LRRC4C: variants seen among roughly 807,000 people sequenced by gnomAD.
LRRC4C encodes the protein leucine-rich repeat-containing protein 4C.
In LRRC4C, 5 loss-of-function variants were observed where a neutral mutation model predicts 33.6. The observed-to-expected ratio is 0.15, with a 90% confidence interval of 0.08 to 0.31. The LOEUF (loss-of-function observed/expected upper bound fraction) is 0.31. Ranked by LOEUF, LRRC4C falls within the 10% of genes least tolerant of loss-of-function variation. The pLI, the probability that LRRC4C is intolerant of heterozygous loss-of-function variation, is 1.00. For synonymous variants in LRRC4C, 329 were observed against 302.0 expected (o/e 1.09, Z -0.93); for missense variants, 560 against 796.7 (o/e 0.70, Z 3.58).
At chr11:41,071,936 G>A (rs1938716075) in intron 1 of LRRC4C, among the ~76,000 whole-genome samples, 1 of 152,156 alleles carries the variant, frequency 6.6e-6, no homozygotes, top group African/African-American at 2.4e-5. Flanking sequence ...AGTCACTGCA[G>A]ATGTGATAGA....
chr11:41,454,746 C>T (rs1956126956), intron 1 of LRRC4C, among the ~76,000 whole-genome samples: 1 of 152,104 alleles, frequency 6.6e-6, no homozygotes, highest in Non-Finnish European at 1.5e-5. Context: ...TACAGAAATA[C>T]AGCTTTCAGA....
intron 1 of LRRC4C, among the ~76,000 whole-genome samples, chr11:41,386,609 C>T (rs1285667415): frequency 6.6e-6 from 1 of 151,724 alleles, no homozygotes; most frequent in Non-Finnish European, 1.5e-5. Flanking sequence ...TTCCTTCAAT[C>T]AAGTGTACAT....
chr11:40,554,821 A>T (rs1212704328), intron 3 of LRRC4C, among the ~76,000 whole-genome samples: 2 of 137,290 alleles, frequency 1.5e-5, no homozygotes, highest in Non-Finnish European at 3.0e-5. Flanking sequence ...TCCCGGGTTC[A>T]CGCCATTCTC....
intron 1 of LRRC4C, among the ~76,000 whole-genome samples, chr11:41,125,065 C>T (rs1172593110): frequency 1.3e-5 from 2 of 152,026 alleles, no homozygotes; most frequent in African/African-American, 2.4e-5. Context: ...AGATGATTCT[C>T]AAGGACACAA....
intron 1 of LRRC4C, among the ~76,000 whole-genome samples, chr11:41,111,094 A>T (rs759484842): frequency 6.6e-6 from 1 of 152,120 alleles, no homozygotes; most frequent in Non-Finnish European, 1.5e-5. Flanking sequence ...CATGTAAGCC[A>T]CTAATAGATG....
chr11:41,287,690 T>C (rs1949871823), intron 1 of LRRC4C, among the ~76,000 whole-genome samples: 2 of 152,200 alleles, frequency 1.3e-5, no homozygotes, highest in South Asian at 4.1e-4. Context: ...AAACCATTTG[T>C]GAAACCGCTT....
intron 1 of LRRC4C, among the ~76,000 whole-genome samples, chr11:40,977,928 C>A (rs1391695183): frequency 6.6e-6 from 1 of 152,094 alleles, no homozygotes. Flanking sequence ...TGTGAAGGCA[C>A]ACAGGAAAAA....
At chr11:41,276,623 T>C (rs1321690198) in intron 1 of LRRC4C, among the ~76,000 whole-genome samples, 1 of 152,154 alleles carries the variant, frequency 6.6e-6, no homozygotes, top group Non-Finnish European at 1.5e-5. Flanking sequence ...TCTTCCAAAA[T>C]ATATCCATAT....
At chr11:41,206,457 G>A (rs1946605766) in intron 1 of LRRC4C, among the ~76,000 whole-genome samples, 1 of 152,002 alleles carries the variant, frequency 6.6e-6, no homozygotes, top group Non-Finnish European at 1.5e-5. Flanking sequence ...TTTCTGTTAG[G>A]GCTCTTGCAG....
intron 1 of LRRC4C, among the ~76,000 whole-genome samples, chr11:41,239,151 T>TAA (rs71466925): frequency 1.8e-3 from 199 of 112,730 alleles, no homozygotes; most frequent in Admixed American, 3.4e-3. Context: ...CCGTCTCTAC[T>TAA]AAAAAAAAAA....
intron 1 of LRRC4C, among the ~76,000 whole-genome samples, chr11:41,415,136 C>T (rs931287691): frequency 3.9e-5 from 6 of 152,148 alleles, no homozygotes; most frequent in Non-Finnish European, 5.9e-5. Context: ...CTATAAGTAA[C>T]TAGCAGGACT....
At chr11:40,628,708 AC>A (rs1963197349) in intron 3 of LRRC4C, among the ~76,000 whole-genome samples, 1 of 152,180 alleles carries the variant, frequency 6.6e-6, no homozygotes, top group African/African-American at 2.4e-5. Flanking sequence ...TAGGAAATGG[AC>A]TTGACAATTT....
chr11:41,372,682 C>A (rs1346540822), intron 1 of LRRC4C, among the ~76,000 whole-genome samples: 1 of 151,708 alleles, frequency 6.6e-6, no homozygotes, highest in Non-Finnish European at 1.5e-5. Flanking sequence ...TTGCTAACAT[C>A]CATCCTTGAG....
chr11:40,249,482 T>G (rs1311060560), intron 4 of LRRC4C, among the ~76,000 whole-genome samples: 2 of 151,668 alleles, frequency 1.3e-5, no homozygotes, highest in Non-Finnish European at 1.5e-5. Flanking sequence ...AAAGATGGAT[T>G]CAAAGGTAAT....
intron 1 of LRRC4C, among the ~76,000 whole-genome samples, chr11:41,187,574 C>G (rs945814469): frequency 6.6e-6 from 1 of 152,220 alleles, no homozygotes; most frequent in Non-Finnish European, 1.5e-5. Flanking sequence ...AAGCCTTGCA[C>G]TCTTTCTCCA....
chr11:40,927,980 G>GTT (rs560861726), intron 2 of LRRC4C, among the ~76,000 whole-genome samples: 2 of 151,730 alleles, frequency 1.3e-5, no homozygotes, highest in Admixed American at 1.3e-4. Flanking sequence ...TCAATGTAAA[G>GTT]TTTTTTTTAA....
At chr11:40,226,830 C>A (rs1864835491) in intron 5 of LRRC4C, among the ~76,000 whole-genome samples, 1 of 152,176 alleles carries the variant, frequency 6.6e-6, no homozygotes, top group Admixed American at 6.5e-5. Context: ...CATATACAAG[C>A]TGCATATTTT....
At chr11:40,146,462 C>A (rs555121278) in intron 5 of LRRC4C, among the ~76,000 whole-genome samples, 1 of 152,126 alleles carries the variant, frequency 6.6e-6, no homozygotes, top group Non-Finnish European at 1.5e-5. Flanking sequence ...CCTCAACAGA[C>A]CCTATCTATA....
chr11:40,914,569 T>C (rs201280049), intron 2 of LRRC4C, among the ~76,000 whole-genome samples: 3 of 152,174 alleles, frequency 2.0e-5, no homozygotes, highest in East Asian at 1.9e-4. Context: ...GAGCTATCTA[T>C]GACAAACCCA....
Sources: gnomAD v4.1 joint callset for allele counts (sites outside exome capture counted in the v4.1 genomes callset) on GRCh38, gnomAD v4.1.1 for gene constraint, MANE v1.5 for transcripts, NCBI Gene and HGNC (gene_info 2026-07-23, HGNC 2026-07-21) for gene names.